Variants in PTPRZ1 observed in about 807,000 individuals in gnomAD.
The protein encoded by PTPRZ1 is protein tyrosine phosphatase receptor type Z1.
PTPRZ1 carries 82 observed loss-of-function variants against 214.1 expected under a neutral mutation model. The observed-to-expected ratio is 0.38, with a 90% confidence interval of 0.32 to 0.46. PTPRZ1 has a LOEUF of 0.46. PTPRZ1 is among the 20% of genes least tolerant of loss of function. The pLI is 1.00. For synonymous variants in PTPRZ1, 945 were observed against 987.9 expected, an observed-to-expected ratio of 0.96 and a Z score of 0.81; for missense variants, 2,603 against 2,748.7, an observed-to-expected ratio of 0.95 and a Z score of 1.19.
chr7:121,935,706 T>G (rs1453077576), intron 2 of PTPRZ1, among the ~76,000 whole-genome samples: 1 of 152,146 alleles, frequency 6.6e-6, no homozygotes, highest in African/African-American at 2.4e-5. Flanking sequence ...TAGCTGGGAC[T>G]ACAGGCGCCC....
At chr7:122,036,104 G>A (rs1183678023) in intron 17 of PTPRZ1, among the ~76,000 whole-genome samples, 1 of 152,024 alleles carries the variant, frequency 6.6e-6, no homozygotes, top group African/African-American at 2.4e-5. Context: ...AAACTTCCTA[G>A]GGAACCTTTG....
At chr7:121,971,066 T>G (rs1402160046) in intron 3 of PTPRZ1, among the ~76,000 whole-genome samples, 2 of 152,206 alleles carry the variant, frequency 1.3e-5, no homozygotes, top group Admixed American at 1.3e-4. Flanking sequence ...GGGAATCGTT[T>G]CCCCATTTCT....
intron 27 of PTPRZ1, among the ~76,000 whole-genome samples, chr7:122,056,727 A>G (rs1050841262): frequency 6.6e-6 from 1 of 151,856 alleles, no homozygotes; most frequent in Non-Finnish European, 1.5e-5. Context: ...GAAATAGAAC[A>G]TGGCCTTGAC....
chr7:121,968,805 G>A (rs185915107), intron 3 of PTPRZ1, among the ~76,000 whole-genome samples: 1 of 151,810 alleles, frequency 6.6e-6, no homozygotes, highest in African/African-American at 2.4e-5. Context: ...AAATATACAC[G>A]TAAGACAAAG....
intron 2 of PTPRZ1, among the ~76,000 whole-genome samples, chr7:121,929,658 A>T (rs1584649832): frequency 6.6e-6 from 1 of 151,928 alleles, no homozygotes; most frequent in East Asian, 1.9e-4. Context: ...ATACAAAAAA[A>T]TTAGCCAGGC....
chr7:121,892,500 C>T (rs1794664129), intron 1 of PTPRZ1, among the ~76,000 whole-genome samples: 1 of 151,220 alleles, frequency 6.6e-6, no homozygotes, highest in Non-Finnish European at 1.5e-5. Flanking sequence ...GGTATTAGAC[C>T]ATAAGAGTAT....
intron 8 of PTPRZ1, among the ~76,000 whole-genome samples, chr7:121,990,827 A>C (rs1287979135): frequency 6.6e-6 from 1 of 151,954 alleles, no homozygotes; most frequent in Non-Finnish European, 1.5e-5. Flanking sequence ...GCCAATAAAA[A>C]CTGTTTGTTT....
chr7:122,043,163 C>T (rs926021474), intron 22 of PTPRZ1, among the ~76,000 whole-genome samples: 6 of 152,154 alleles, frequency 3.9e-5, no homozygotes, highest in East Asian at 1.9e-4. Flanking sequence ...AGTTATCAGG[C>T]GGTTAGAGCT....
chr7:121,928,427 C>A (rs1584648348), intron 2 of PTPRZ1, among the ~76,000 whole-genome samples: 1 of 152,096 alleles, frequency 6.6e-6, no homozygotes, highest in Non-Finnish European at 1.5e-5. Flanking sequence ...GGCTTATTGA[C>A]ATCCACCCAA....
At chr7:121,977,032 A>C (rs1279609217) in intron 6 of PTPRZ1, among the ~76,000 whole-genome samples, 181 bp downstream of exon 6, 1 of 152,224 alleles carries the variant, frequency 6.6e-6, no homozygotes, top group Non-Finnish European at 1.5e-5. Flanking sequence ...ATAACAATTT[A>C]TCAGAAAATT....
At chr7:121,926,057 C>A (rs1795746874) in intron 1 of PTPRZ1, among the ~76,000 whole-genome samples, 1 of 152,152 alleles carries the variant, frequency 6.6e-6, no homozygotes, top group South Asian at 2.1e-4. Flanking sequence ...GTAATTCCAG[C>A]ACTTTGGGAG....
intron 8 of PTPRZ1, among the ~76,000 whole-genome samples, chr7:121,989,167 C>T (rs1047048120): frequency 7.9e-5 from 12 of 152,086 alleles, no homozygotes; most frequent in African/African-American, 2.4e-4. Context: ...TAACAGTCTG[C>T]ATTTACTGAA....
In PTPRZ1 at chr7:121,912,933, G is replaced by A. The variant is rs114195062; in HGVS notation, c.59-15223G>A. 5.5e-3 allele frequency among the ~76,000 whole-genome samples: 844 copies of A among 152,154 alleles called. 10 individuals are homozygous for A. Among genetic ancestry groups the A allele is most frequent in the African/African-American group, 0.019 (781 of 41,516 alleles). On this transcript the variant is annotated intron_variant, in intron 1 of 29. Coordinates refer to ENST00000393386, the MANE Select transcript of PTPRZ1 (RefSeq NM_002851.3). The stretch of plus-strand genomic sequence containing the variant: ...GGGTAAATGAATTATGGGTGTCAGG[G>A]AACATTCCTCTAAGATTATAAATCC...
rs553009483 is a variant in PTPRZ1 at position 122,038,977 on chromosome 7, C to A, written c.5502+88C>A. The stretch of plus-strand genomic sequence containing the variant: ...TAATAGAGTCAGCATTAGGAAGGAG[C>A]CAAAGTTTTGAGAGTTATTTGGGAT... On this transcript the variant is annotated intron_variant, in intron 19 of 29. Coordinates refer to ENST00000393386, the MANE Select transcript of PTPRZ1 (RefSeq NM_002851.3). 163 of 1,402,096 alleles carry A rather than the reference C, an allele frequency of 1.2e-4. 2 individuals carry two copies. The East Asian group carries it at 3.7e-3, about 32-fold the overall frequency. 86.9% of individuals were successfully genotyped at this position (1,402,096 alleles called of 1,614,324 possible).
At position 121,873,297 on chromosome 7, in the gene PTPRZ1, CTCTCTGTCTCTG is replaced by C; in HGVS notation, c.-191_-180del. On this transcript the variant is annotated 5_prime_UTR_variant, in exon 1 of 30. Transcript: ENST00000393386. ...CCTCTCTCGCTGTCTCTGACTGTCT[CTCTCTGTCTCTG>C]TCTCTGTCTCTCTCTCTCTCACACA... 5.6e-6 allele frequency: 3 copies of C among 536,674 alleles called. No individual in the cohort carries two copies. Among genetic ancestry groups the C allele is most frequent in the East Asian group, 6.0e-5 (2 of 33,348 alleles). The allele number at this position is 536,674 out of a possible 1,614,324, so 33.2% of individuals were successfully genotyped here. A position where few individuals can be genotyped will look rare whatever the true frequency, so the allele number is the denominator to read the frequency against.
intron 8 of PTPRZ1, among the ~76,000 whole-genome samples, chr7:121,990,196 C>T (rs933942134): frequency 1.3e-5 from 2 of 152,070 alleles, no homozygotes; most frequent in Non-Finnish European, 2.9e-5. Flanking sequence ...AAATCTTGCT[C>T]TCAATAAATG....
At chr7:121,968,716 A>G (rs183202251) in intron 3 of PTPRZ1, among the ~76,000 whole-genome samples, 1 of 151,840 alleles carries the variant, frequency 6.6e-6, no homozygotes. Flanking sequence ...TAGATAAATA[A>G]TTTCCAAAAA....
rs765584508 is a variant in PTPRZ1, at chr7:122,059,740, T to C, written c.6672-13T>C. 15 of 1,585,970 alleles carry C rather than the reference T, an allele frequency of 9.5e-6. No homozygotes were observed. Among genetic ancestry groups the C allele is most frequent in the Non-Finnish European group, 1.2e-5 (14 of 1,172,090 alleles). ...ATGGAGTCTTTGTTCCTTTTCTTTT[T>C]TTTTTTTACAAGGCATGGAGGAGTG... On this transcript the variant is annotated splice_polypyrimidine_tract_variant and intron_variant, in intron 28 of 29. Transcript: ENST00000393386.
chr7:121,972,990 A>T (rs1347336337), intron 4 of PTPRZ1, among the ~76,000 whole-genome samples: 1 of 152,184 alleles, frequency 6.6e-6, no homozygotes, highest in Non-Finnish European at 1.5e-5. Flanking sequence ...CTTTGATTTA[A>T]ATCTTTTGAT....
Sources: allele counts gnomAD v4.1 joint callset (sites outside exome capture counted in the v4.1 genomes callset), GRCh38; gene constraint gnomAD v4.1.1; transcripts MANE v1.5; gene names NCBI Gene and HGNC (gene_info 2026-07-23, HGNC 2026-07-21).